Variants in FGFR2 observed in about 807,000 individuals in gnomAD.
FGFR2 encodes the protein BEK fibroblast growth factor receptor.
Under a neutral mutation model 95.9 loss-of-function variants are expected in FGFR2, and 19 were observed. The observed-to-expected ratio is 0.20, with a 90% CI of 0.14 to 0.29. FGFR2 has a LOEUF of 0.29. FGFR2 is among the 10% of genes least tolerant of loss of function. The probability of loss-of-function intolerance (pLI) is 1.00; values close to 1 mark genes in which losing one functional copy is unlikely to be tolerated. For synonymous variants in FGFR2, 392 were observed against 393.3 expected (o/e 1.00, Z 0.04); for missense variants, 707 against 1,056.9 (o/e 0.67, Z 4.59).
chr10:121,500,597 G>A (rs1257241556), intron 11 of FGFR2, among the ~76,000 whole-genome samples: 1 of 152,196 alleles, frequency 6.6e-6, no homozygotes, highest in Non-Finnish European at 1.5e-5. Context: ...ATAACTCTAT[G>A]TAGGAGGCTA....
chr10:121,502,771 T>A (rs1847764297), intron 10 of FGFR2, among the ~76,000 whole-genome samples: 1 of 152,184 alleles, frequency 6.6e-6, no homozygotes, highest in Non-Finnish European at 1.5e-5. Flanking sequence ...CATTTCCACC[T>A]TCCCGTACTC....
intron 2 of FGFR2, among the ~76,000 whole-genome samples, chr10:121,568,864 A>T (rs1858107752): frequency 1.3e-5 from 2 of 152,058 alleles, no homozygotes; most frequent in Admixed American, 1.3e-4. Context: ...GACAGCGAGG[A>T]CCTGTGTCTT....
chr10:121,577,206 G>GAGAGAGAGAGAGAGAGAGAGAGAC (rs1246892910), intron 2 of FGFR2, among the ~76,000 whole-genome samples: 1 of 118,278 alleles, frequency 8.5e-6, no homozygotes, highest in Non-Finnish European at 1.7e-5. Context: ...GAGAGAGAGA[G>GAGAGAGAGAGAGAGAGAGAGAGAC]ACACCAAACA....
chr10:121,565,826 G>A, intron 2 of FGFR2, 122 bp from the exon 3 acceptor site: 4 of 1,168,140 alleles, frequency 3.4e-6, no homozygotes, highest in Non-Finnish European at 5.0e-6. Flanking sequence ...CTCTGCAAAT[G>A]GCCCCAGCAG....
intron 14 of FGFR2, 84 bp from the exon 15 acceptor site, chr10:121,487,508 A>C: frequency 1.8e-6 from 2 of 1,140,326 alleles, no homozygotes; most frequent in Non-Finnish European, 2.6e-6. Context: ...TGCCCTGTTT[A>C]AGAGCTGATA....
Position 121,495,167 on chromosome 10 carries a change from G to T in FGFR2, c.1863+1365C>A, listed in dbSNP as rs3135793. On this transcript the variant is annotated intron_variant, in intron 13 of 17. Coordinates refer to ENST00000358487, the MANE Select transcript of FGFR2 (RefSeq NM_000141.5). Reference sequence around the variant, plus strand: ...CTACCCTACATACACGCACACACACGCACGTGTACGTAAACACAATCACAG... The same window carrying T: ...CTACCCTACATACACGCACACACACTCACGTGTACGTAAACACAATCACAG... Among the ~76,000 whole-genome samples, 142 of 152,182 alleles carry T rather than the reference G, an allele frequency of 9.3e-4. 4 individuals are homozygous for T. The highest frequency in any genetic ancestry group is 9.2e-3 in the Admixed American group (140 of 15,286).
chr10:121,565,315 A>G (rs982457351), intron 3 of FGFR2, 123 bp downstream of exon 3: 10 of 1,309,242 alleles, frequency 7.6e-6, no homozygotes, highest in Admixed American at 1.8e-5. Context: ...AAGAATTTCA[A>G]AAACTATGAA....
intron 6 of FGFR2, among the ~76,000 whole-genome samples, chr10:121,534,524 T>C (rs1374561222): frequency 6.6e-6 from 1 of 151,842 alleles, no homozygotes; most frequent in East Asian, 1.9e-4. Flanking sequence ...GCTTCCCGAG[T>C]AGCTGGGATT....
chr10:121,576,084 G>A (rs1020092756), intron 2 of FGFR2, among the ~76,000 whole-genome samples: 4 of 152,076 alleles, frequency 2.6e-5, no homozygotes, highest in African/African-American at 9.7e-5. Flanking sequence ...CTACTAAGGA[G>A]GGTGAGGCAG....
chr10:121,570,583 G>A (rs1858501665), intron 2 of FGFR2, among the ~76,000 whole-genome samples: 2 of 152,156 alleles, frequency 1.3e-5, no homozygotes, highest in African/African-American at 4.8e-5. Context: ...CACCTTTCCT[G>A]TGCGAATCCA....
Position 121,487,391 on chromosome 10 carries a change from C to A in FGFR2, c.2020G>T (p.Ala674Ser). Residue 674 changes from alanine to serine, a missense_variant, in exon 15 of 18, where the codon GCC (alanine) becomes TCC (serine). By Grantham distance (99) the Ala-to-Ser change is moderately conservative. Transcript: ENST00000358487. The part of the protein sequence containing the change: ...RLPVKWMAPE[A>S]LFDRVYTHQS... Reference sequence around the variant, plus strand: ...TGAGTGTATACTCTATCAAACAGGGCTTCTGGAGCCATCCACTTGACTGGA... The same window carrying A: ...TGAGTGTATACTCTATCAAACAGGGATTCTGGAGCCATCCACTTGACTGGA... 1 of 1,614,178 alleles carries A rather than the reference C, an allele frequency of 6.2e-7. No individual in the cohort carries two copies. Among genetic ancestry groups the A allele is most frequent in the South Asian group, 1.1e-5 (1 of 91,070 alleles).
intron 4 of FGFR2, among the ~76,000 whole-genome samples, chr10:121,560,399 G>A (rs1423351757): frequency 1.3e-5 from 2 of 151,964 alleles, no homozygotes; most frequent in African/African-American, 4.8e-5. Flanking sequence ...CAGATCACGA[G>A]GTCAGGAGAT....
At chr10:121,538,570 A>G in intron 6 of FGFR2, 22 bp downstream of exon 6, 1 of 1,614,212 alleles carries the variant, frequency 6.2e-7, no homozygotes, top group Non-Finnish European at 8.5e-7. Context: ...TGCAGCCGCC[A>G]CACGAGGAGA....
intron 16 of FGFR2, among the ~76,000 whole-genome samples, chr10:121,484,631 G>A (rs1030079617): frequency 6.6e-6 from 1 of 152,160 alleles, no homozygotes; most frequent in Non-Finnish European, 1.5e-5. Flanking sequence ...GTTGAGGCAG[G>A]AGGCAGAGAG....
In FGFR2 at chr10:121,518,249, C is replaced by T. The variant is rs926670188; in HGVS notation, c.940-786G>A. Among the ~76,000 whole-genome samples the T allele has an allele frequency of 6.6e-6, 1 of 152,194 alleles. No individual in the cohort carries two copies. Among genetic ancestry groups the T allele is most frequent in the South Asian group, 2.1e-4 (1 of 4,834 alleles). The stretch of plus-strand genomic sequence containing the variant: ...CAACCATGCAACCAAAGAAATGATG[C>T]TTTGTTGAACAAATTGCATCTTGCC... On this transcript the variant is annotated intron_variant, in intron 7 of 17. Coordinates refer to ENST00000358487, the MANE Select transcript of FGFR2 (RefSeq NM_000141.5). This position sits in a 1 kb window ranked among gnomAD's most constrained non-coding sequence, Gnocchi z 4.0.
At chr10:121,558,296 C>T (rs1041078498) in intron 4 of FGFR2, among the ~76,000 whole-genome samples, 3 of 152,222 alleles carry the variant, frequency 2.0e-5, no homozygotes, top group African/African-American at 7.2e-5. Context: ...AAACCCTCAA[C>T]CTGGATGCAT....
At chr10:121,480,199 T>C in intron 17 of FGFR2, 178 bp from the exon 18 acceptor site, 1 of 789,446 alleles carries the variant, frequency 1.3e-6, no homozygotes, top group South Asian at 1.4e-5. Context: ...AGGAGACCCC[T>C]AGAAGGTGAA....
intron 5 of FGFR2, among the ~76,000 whole-genome samples, chr10:121,542,037 G>A (rs770949057): frequency 3.9e-5 from 6 of 152,182 alleles, no homozygotes; most frequent in Non-Finnish European, 8.8e-5. Flanking sequence ...AGTTCATCCT[G>A]TATGAACTGA....
Position 121,479,943 on chromosome 10 carries a change from C to G in FGFR2, c.2380G>C (p.Asp794His), listed in dbSNP as rs756718577. The change falls in exon 18 of 18, where the codon GAT (aspartate) becomes CAT (histidine). Residue 794 changes from aspartate to histidine, a missense_variant. Physicochemically the swap from Asp to His is moderately conservative, Grantham distance 81. Around this residue, in one of 7 missense-constraint regions of FGFR2, gnomAD observed 51 missense variants for 50.2 expected, o/e 1.01. Transcript: ENST00000358487. ...GGGTCTGGAGAAAAAACAGAATCATCTCCTGAAGAACAAGAACTTCTTGTG... is the reference window on the plus strand; with the variant it reads ...GGGTCTGGAGAAAAAACAGAATCATGTCCTGAAGAACAAGAACTTCTTGTG... Reference protein sequence around the residue: ...PDTRSSCSSGDDSVFSPDPMP... With the variant: ...PDTRSSCSSGHDSVFSPDPMP... The G allele has an allele frequency of 6.2e-7, 1 of 1,614,184 alleles. No homozygotes were observed. The highest frequency in any genetic ancestry group is 8.5e-7 in the Non-Finnish European group (1 of 1,180,040).
Sources: allele counts gnomAD v4.1 joint callset (sites outside exome capture counted in the v4.1 genomes callset), GRCh38; gene constraint gnomAD v4.1.1; regional missense constraint gnomAD v4.1.1; non-coding constraint Gnocchi (gnomAD v3.1); transcripts MANE v1.5; gene names NCBI Gene and HGNC (gene_info 2026-07-23, HGNC 2026-07-21).